BOP1: variants seen among roughly 807,000 people sequenced by gnomAD.
BOP1 encodes BOP1 ribosomal biogenesis factor, also known as ribosome biogenesis protein BOP1.
A neutral mutation model predicts 82.9 loss-of-function variants in BOP1; 54 were observed. The ratio of observed to expected loss-of-function variants is 0.65; its 90% confidence interval spans 0.52 to 0.82. The LOEUF is 0.82. Ranked by LOEUF, BOP1 falls within the 40% of genes least tolerant of loss-of-function variation. The pLI is 0.00. For synonymous variants in BOP1, 566 were observed against 451.1 expected (o/e 1.25, Z -3.23); for missense variants, 1,170 against 1,072.0 (o/e 1.09, Z -1.28).
intron 11 of BOP1, 26 bp downstream of exon 11, chr8:144,263,452 C>A (rs1845280794): frequency 1.9e-6 from 3 of 1,597,862 alleles, no homozygotes; most frequent in Non-Finnish European, 2.5e-6. Context: ...ACCCCTGGCT[C>A]CCCAGCCCCC....
At chr8:144,275,922 C>T (rs1180149723) in intron 3 of BOP1, among the ~76,000 whole-genome samples, 10 of 151,758 alleles carry the variant, frequency 6.6e-5, no homozygotes, top group South Asian at 6.3e-4. Context: ...ACCCTGCAGA[C>T]GCCACAGGAG....
intron 1 of BOP1, among the ~76,000 whole-genome samples, chr8:144,289,594 C>T (rs1171800903): frequency 6.6e-6 from 1 of 152,230 alleles, no homozygotes; most frequent in Non-Finnish European, 1.5e-5. Flanking sequence ...CCTCTTGGAG[C>T]TCAGCTCTCA....
intron 3 of BOP1, among the ~76,000 whole-genome samples, chr8:144,269,072 A>G (rs1438870840): frequency 6.6e-6 from 1 of 152,128 alleles, no homozygotes; most frequent in Non-Finnish European, 1.5e-5. Context: ...CGTGGGAAGG[A>G]GGACCCCTGG....
At chr8:144,275,633 G>A (rs986949001) in intron 3 of BOP1, among the ~76,000 whole-genome samples, 1 of 152,164 alleles carries the variant, frequency 6.6e-6, no homozygotes. Flanking sequence ...TGTGCTCCTG[G>A]GACTCAGTCA....
intron 3 of BOP1, among the ~76,000 whole-genome samples, chr8:144,271,664 T>C (rs1845495246): frequency 6.6e-6 from 1 of 151,734 alleles, no homozygotes; most frequent in Non-Finnish European, 1.5e-5. Context: ...CCAGCAGGGG[T>C]GCTGGGCCCT....
At chr8:144,268,154 C>T (rs1422274162) in intron 3 of BOP1, 2 of 1,550,840 alleles carry the variant, frequency 1.3e-6, no homozygotes, top group Non-Finnish European at 1.7e-6. Context: ...AGGTGGCCGG[C>T]AGCAGCCAGG....
intron 2 of BOP1, among the ~76,000 whole-genome samples, chr8:144,281,114 T>TCACTTTAATACCAGGTCTTAGGCCTTCC (rs1845670059): frequency 8.0e-6 from 1 of 124,634 alleles, no homozygotes; most frequent in Non-Finnish European, 1.8e-5. Context: ...TTCGGCCTTC[T>TCACTTTAATACCAGGTCTTAGGCCTTCC]CTCAGTTTAA....
Position 144,263,104 on chromosome 8 carries a change from T to TAGTCC in BOP1, c.1638_1642dup (p.Tyr548TrpfsTer17). 6.3e-7 allele frequency: 1 copy of TAGTCC among 1,593,198 alleles called. No individual in the cohort carries two copies. Among genetic ancestry groups the TAGTCC allele is most frequent in the Non-Finnish European group, 8.5e-7 (1 of 1,178,610 alleles). On this transcript the variant is annotated frameshift_variant, in exon 13 of 16. Transcript: ENST00000569669. LOFTEE classifies it high-confidence loss of function. ...TTGGGTGGCCAGCACCACGGCCAGGTAGTCCCCACGCCCGTGCCAGGTCAC... is the reference window on the plus strand; with the variant it reads ...TTGGGTGGCCAGCACCACGGCCAGGTAGTCCAGTCCCCACGCCCGTGCCAGGTCAC...
Position 144,262,637 on chromosome 8 carries a change from G to C in BOP1, c.1930C>G (p.Leu644Val), listed in dbSNP as rs1421646416. The C allele has an allele frequency of 1.9e-6, 3 of 1,613,432 alleles. No homozygotes were observed. The highest frequency in any genetic ancestry group is 4.5e-5 in the East Asian group (2 of 44,874). Reference protein sequence around the residue: ...NVICGSYDSKLVWFDLDLSTK... With the variant: ...NVICGSYDSKVVWFDLDLSTK... The stretch of plus-strand genomic sequence containing the variant: ...GAAAGATCCAGGTCAAACCACACCA[G>C]CTTGCTATCGTAGCTCCCACAGATG... Residue 644 changes from leucine (L) to valine (V), a missense_variant, in exon 14 of 16, where the codon CTG becomes GTG. Coordinates refer to ENST00000569669, the MANE Select transcript of BOP1 (RefSeq NM_015201.5).
At chr8:144,273,970 G>A (rs937922576) in intron 3 of BOP1, among the ~76,000 whole-genome samples, 7 of 152,198 alleles carry the variant, frequency 4.6e-5, no homozygotes, top group South Asian at 2.1e-4. Flanking sequence ...AAAAGTCAGC[G>A]TCCAGCAGGG....
In BOP1 at chr8:144,263,118, G is replaced by C. The variant is rs564720149; in HGVS notation, c.1629C>G (p.His543Gln). The change falls in exon 13 of 16, where the codon CAC becomes CAG. Residue 543 changes from histidine (H) to glutamine (Q), a missense_variant. Transcript: ENST00000569669. ...HGKPVTQVTW[H>Q]GRGDYLAVVL... is the part of the protein sequence containing the mutation. The stretch of plus-strand genomic sequence containing the variant: ...CCACGGCCAGGTAGTCCCCACGCCC[G>C]TGCCAGGTCACCTGCGTCACTGGCT... 1 of 1,593,696 alleles carries C rather than the reference G, an allele frequency of 6.3e-7. No individual in the cohort carries two copies. Among genetic ancestry groups the C allele is most frequent in the Admixed American group, 1.7e-5 (1 of 59,700 alleles).
At chr8:144,272,816 C>T (rs1845511979) in intron 3 of BOP1, among the ~76,000 whole-genome samples, 1 of 152,302 alleles carries the variant, frequency 6.6e-6, no homozygotes, top group South Asian at 2.1e-4. Flanking sequence ...AACCGGACAA[C>T]TGAGTGCAGC....
Position 144,264,765 on chromosome 8 carries a change from C to T in BOP1, c.612G>A (p.Val204=). The change falls in exon 5 of 16, where the codon GTG becomes GTA. Residue 204 remains valine, a synonymous_variant. Coordinates refer to ENST00000569669, the MANE Select transcript of BOP1 (RefSeq NM_015201.5). ...CAAACTGGCCACTCTGCAGCCGCCG[C>T]ACCAGGGCCACCTGCTCATCCGTCA... ...LRLTDEQVAL[V]RRLQSGQFGD... is the part of the protein sequence containing the mutation. 2 of 1,603,304 alleles carry T rather than the reference C, an allele frequency of 1.2e-6. No homozygotes were observed. The highest frequency in any genetic ancestry group is 1.9e-4 in the Middle Eastern group (1 of 5,210).
chr8:144,263,142 C>G lies in BOP1; in HGVS notation c.1606-1G>C. On this transcript the variant is annotated splice_acceptor_variant, in intron 12 of 15. Transcript: ENST00000569669. LOFTEE classifies it high-confidence loss of function. ...CGTGCCAGGTCACCTGCGTCACTGG[C>G]TGCAGGAGAGCAAGGCTGGCTGAGT... 6.3e-7 allele frequency: 1 copy of G among 1,593,788 alleles called. No homozygotes were observed. The highest frequency in any genetic ancestry group is 8.5e-7 in the Non-Finnish European group (1 of 1,178,836).
At chr8:144,282,584 C>T (rs1554839052) in intron 2 of BOP1, among the ~76,000 whole-genome samples, 1 of 152,030 alleles carries the variant, frequency 6.6e-6, no homozygotes, top group African/African-American at 2.4e-5. Context: ...ATAAATCAAA[C>T]CCACTGGCCC....
chr8:144,268,048 GCGCAGA>G, intron 3 of BOP1: 2 of 1,549,048 alleles, frequency 1.3e-6, no homozygotes, highest in Middle Eastern at 2.0e-4. Context: ...GGCCAGAGAG[GCGCAGA>G]CTGGCGCTGG....
chr8:144,280,022 G>A (rs1554838727), intron 2 of BOP1, among the ~76,000 whole-genome samples: 1 of 152,202 alleles, frequency 6.6e-6, no homozygotes, highest in African/African-American at 2.4e-5. Context: ...CCCTCAGCAT[G>A]ACACTGTACT....
intron 2 of BOP1, among the ~76,000 whole-genome samples, chr8:144,279,339 T>TGGGCCACGACCACCAC (rs1362838765): frequency 1.4e-5 from 2 of 138,692 alleles, no homozygotes; most frequent in Non-Finnish European, 1.6e-5. Context: ...ACAACCACCA[T>TGGGCCACGACCACCAC]GGGCCACGAC....
At chr8:144,267,023 G>T in intron 3 of BOP1, 1 of 1,522,560 alleles carries the variant, frequency 6.6e-7, no homozygotes, top group Non-Finnish European at 8.8e-7. Flanking sequence ...GGCGAGGCCT[G>T]CGGCGACGGA....
Sources: allele counts gnomAD v4.1 joint callset (sites outside exome capture counted in the v4.1 genomes callset), GRCh38; gene constraint gnomAD v4.1.1; transcripts MANE v1.5; gene names NCBI Gene and HGNC (gene_info 2026-07-23, HGNC 2026-07-21).